PPP1R16B: variants seen among roughly 807,000 people sequenced by gnomAD.
PPP1R16B encodes protein phosphatase 1 regulatory subunit 16B.
PPP1R16B carries 14 observed loss-of-function variants against 61.7 expected under a neutral mutation model. The observed-to-expected ratio is 0.23, with a 90% confidence interval of 0.15 to 0.35. The LOEUF (loss-of-function observed/expected upper bound fraction) is 0.35, where lower values mean the gene tolerates loss of function less well. PPP1R16B is among the 10% of genes least tolerant of loss of function. The probability of loss-of-function intolerance (pLI) is 1.00; values close to 1 mark genes in which losing one functional copy is unlikely to be tolerated. For missense variants in PPP1R16B, 547 were observed against 752.5 expected (o/e 0.73, Z 3.19); for synonymous variants, 266 against 305.3 (o/e 0.87, Z 1.34).
intron 4 of PPP1R16B, among the ~76,000 whole-genome samples, chr20:38,899,432 C>A (rs1177539730): frequency 6.6e-6 from 1 of 152,170 alleles, no homozygotes; most frequent in African/African-American, 2.4e-5. Flanking sequence ...ATTCCCATGC[C>A]CTACCCCAAG....
intron 3 of PPP1R16B, among the ~76,000 whole-genome samples, chr20:38,894,847 G>A (rs1036582434): frequency 2.6e-5 from 4 of 152,198 alleles, no homozygotes; most frequent in Non-Finnish European, 5.9e-5. Flanking sequence ...CTCTCTAGGA[G>A]GCTGCAGGCT....
In PPP1R16B at chr20:38,920,341, C is replaced by T. The variant is rs1277315653; in HGVS notation, c.*1675C>T. The T allele has an allele frequency of 1.3e-5, 2 of 152,718 alleles. No homozygotes were observed. Among genetic ancestry groups the T allele is most frequent in the African/African-American group, 4.8e-5 (2 of 41,458 alleles). 9.5% of individuals were successfully genotyped at this position (152,718 alleles called of 1,614,324 possible). On this transcript the variant is annotated 3_prime_UTR_variant, in exon 11 of 11. Transcript: ENST00000299824. ...CCTCCTTAGAGCTCTGAAGGGGTCTCCTAGTTCCAGATTTTAATTTGGGGA... is the reference window on the plus strand; with the variant it reads ...CCTCCTTAGAGCTCTGAAGGGGTCTTCTAGTTCCAGATTTTAATTTGGGGA...
chr20:38,849,419 G>A (rs986208427), intron 2 of PPP1R16B, among the ~76,000 whole-genome samples: 1 of 152,032 alleles, frequency 6.6e-6, no homozygotes, highest in Non-Finnish European at 1.5e-5. Flanking sequence ...TTTATGACAT[G>A]TGGCTTTGAG....
At chr20:38,896,592 A>G (rs2085351346) in intron 4 of PPP1R16B, among the ~76,000 whole-genome samples, 1 of 150,948 alleles carries the variant, frequency 6.6e-6, no homozygotes, top group Non-Finnish European at 1.5e-5. Flanking sequence ...TTTCCCCCCA[A>G]TTTTTTATAG....
chr20:38,849,129 G>A (rs915150668), intron 2 of PPP1R16B, among the ~76,000 whole-genome samples: 1 of 152,046 alleles, frequency 6.6e-6, no homozygotes, highest in Non-Finnish European at 1.5e-5. Flanking sequence ...TTTTGTTGTT[G>A]TTACTGTTTT....
At chr20:38,841,902 A>G (rs935895447) in intron 2 of PPP1R16B, among the ~76,000 whole-genome samples, 8 of 152,184 alleles carry the variant, frequency 5.3e-5, no homozygotes, top group African/African-American at 1.9e-4. Context: ...ATTTGGGTAC[A>G]AGTCTTTGTG....
At chr20:38,856,382 A>G (rs1250136976) in intron 2 of PPP1R16B, among the ~76,000 whole-genome samples, 1 of 152,174 alleles carries the variant, frequency 6.6e-6, no homozygotes, top group Non-Finnish European at 1.5e-5. Flanking sequence ...TGCTGCTGAG[A>G]AGTAAACTCA....
Position 38,921,402 on chromosome 20 carries a change from A to C in PPP1R16B, c.*2736A>C, listed in dbSNP as rs1380722517. On this transcript the variant is annotated 3_prime_UTR_variant, in exon 11 of 11. Transcript: ENST00000299824. ...GGAGGAATAAGACAGAGTCAGGAGA[A>C]CTGTTCCTTGTGGTTTCCGTCCCTT... is the stretch of plus-strand genomic sequence containing the variant. 1 of 152,218 alleles carries C rather than the reference A, an allele frequency of 6.6e-6. No individual in the cohort carries two copies. The highest frequency in any genetic ancestry group is 1.5e-5 in the Non-Finnish European group (1 of 68,050). 9.4% of individuals were successfully genotyped at this position (152,218 alleles called of 1,614,324 possible). A position where few individuals can be genotyped will look rare whatever the true frequency, so the allele number is the denominator to read the frequency against.
intron 10 of PPP1R16B, among the ~76,000 whole-genome samples, chr20:38,912,078 AC>A (rs775243081): frequency 2.7e-5 from 4 of 146,646 alleles, no homozygotes; most frequent in Non-Finnish European, 4.5e-5. Context: ...TTTCTTGCCA[AC>A]CCTTGGTATA....
chr20:38,892,351 G>A (rs1052822213), intron 3 of PPP1R16B, among the ~76,000 whole-genome samples: 3 of 152,152 alleles, frequency 2.0e-5, no homozygotes, highest in African/African-American at 7.2e-5. Flanking sequence ...TGGTCAGGGA[G>A]GCGGGAACTC....
At chr20:38,858,640 G>GA (rs150548212) in intron 2 of PPP1R16B, among the ~76,000 whole-genome samples, 7,435 of 152,204 alleles carry the variant, frequency 0.049, 382 homozygotes, top group African/African-American at 0.12. Context: ...GGAGGAAGGG[G>GA]ATATGATTCA....
intron 2 of PPP1R16B, among the ~76,000 whole-genome samples, chr20:38,856,045 C>A (rs887066211): frequency 6.9e-6 from 1 of 145,496 alleles, no homozygotes; most frequent in African/African-American, 2.6e-5. Context: ...CTTGATGGTT[C>A]CAAACTGATG....
intron 2 of PPP1R16B, among the ~76,000 whole-genome samples, chr20:38,844,272 T>TGTA (rs762228473): frequency 6.6e-6 from 1 of 152,234 alleles, no homozygotes; most frequent in East Asian, 1.9e-4. Flanking sequence ...ACTGGGAAAC[T>TGTA]GTAAGTTCGT....
At chr20:38,902,925 G>A in intron 6 of PPP1R16B, 133 bp downstream of exon 6, 1 of 1,401,166 alleles carries the variant, frequency 7.1e-7, no homozygotes, top group Admixed American at 2.2e-5. Context: ...TTTGGGCCAG[G>A]ATTGCCCCTG....
intron 2 of PPP1R16B, among the ~76,000 whole-genome samples, chr20:38,842,666 C>T (rs2084915251): frequency 6.6e-6 from 1 of 152,058 alleles, no homozygotes; most frequent in Non-Finnish European, 1.5e-5. Context: ...GTGGGGTGCT[C>T]AGTCATCCCT....
intron 6 of PPP1R16B, 106 bp downstream of exon 6, chr20:38,902,898 A>G (rs2085408458): frequency 8.5e-6 from 13 of 1,521,776 alleles, no homozygotes; most frequent in Non-Finnish European, 1.2e-5. Flanking sequence ...GTGACCTTGG[A>G]CCTCCGCAAG....
intron 4 of PPP1R16B, among the ~76,000 whole-genome samples, chr20:38,896,325 CTT>C (rs1212670558): frequency 6.7e-6 from 1 of 148,648 alleles, no homozygotes; most frequent in East Asian, 2.0e-4. Flanking sequence ...TCTCTTTTCT[CTT>C]TTTTTCTCTC....
intron 2 of PPP1R16B, among the ~76,000 whole-genome samples, chr20:38,868,294 C>T (rs1174885048): frequency 2.0e-5 from 3 of 152,124 alleles, no homozygotes; most frequent in African/African-American, 7.2e-5. Context: ...AAGCTCATGC[C>T]TTTTTACTTT....
intron 2 of PPP1R16B, among the ~76,000 whole-genome samples, chr20:38,849,023 G>A (rs1278448076): frequency 3.3e-5 from 5 of 152,162 alleles, no homozygotes; most frequent in Non-Finnish European, 7.4e-5. Flanking sequence ...ATCATACTGA[G>A]TTTTTCTAAG....
Sources: gnomAD v4.1 joint callset for allele counts (sites outside exome capture counted in the v4.1 genomes callset) on GRCh38, gnomAD v4.1.1 for gene constraint, MANE v1.5 for transcripts, NCBI Gene and HGNC (gene_info 2026-07-23, HGNC 2026-07-21) for gene names.